The following PCDH11Y variants were observed in gnomAD, a reference collection of about 807,000 sequenced individuals.
PCDH11Y encodes protocadherin-11 Y-linked.
For missense variants in PCDH11Y, 12 were observed against 224.8 expected, an observed-to-expected ratio of 0.05 and a Z score of 6.05; for synonymous variants, 9 against 83.6, an observed-to-expected ratio of 0.11 and a Z score of 4.87.
At chrY:5,382,999 C>T in intron 2 of PCDH11Y, among the ~76,000 whole-genome samples, 4 of 32,262 alleles carry the variant, frequency 1.2e-4, no homozygotes, top group Non-Finnish European at 3.0e-4. Context: ...TTCAGGAGTT[C>T]GAGACCAGCC....
intron 2 of PCDH11Y, among the ~76,000 whole-genome samples, chrY:5,373,375 G>A: frequency 2.7e-4 from 7 of 26,267 alleles, no homozygotes; most frequent in Non-Finnish European, 4.2e-4. Context: ...TAGTAGAGAC[G>A]GAGTTTCACC....
chrY:5,124,085 G>T, intron 2 of PCDH11Y, among the ~76,000 whole-genome samples: 1 of 32,856 alleles, frequency 3.0e-5, no homozygotes, highest in Non-Finnish European at 7.5e-5. Flanking sequence ...GGAGAGAAAG[G>T]AAAAGTCCCA....
At chrY:5,303,288 A>T in intron 2 of PCDH11Y, among the ~76,000 whole-genome samples, 1 of 32,257 alleles carries the variant, frequency 3.1e-5, no homozygotes. Flanking sequence ...ACTTGCCAGG[A>T]ATAGCATGAG....
chrY:5,261,392 T>C, intron 2 of PCDH11Y, among the ~76,000 whole-genome samples: 1 of 32,973 alleles, frequency 3.0e-5, no homozygotes, highest in African/African-American at 1.2e-4. Flanking sequence ...TTGCCCAAGA[T>C]TCTGATAGTG....
intron 4 of PCDH11Y, among the ~76,000 whole-genome samples, chrY:5,591,371 G>A: frequency 3.1e-5 from 1 of 32,462 alleles, no homozygotes; most frequent in Admixed American, 2.8e-4. Context: ...GGAACTGCGA[G>A]TCAATTAAAC....
At chrY:5,383,261 C>T in intron 2 of PCDH11Y, among the ~76,000 whole-genome samples, 1 of 32,207 alleles carries the variant, frequency 3.1e-5, no homozygotes, top group Non-Finnish European at 7.5e-5. Flanking sequence ...TTTTAAAATG[C>T]TAAATACTTG....
intron 2 of PCDH11Y, among the ~76,000 whole-genome samples, chrY:5,345,689 A>G (rs2053151342): frequency 4.6e-4 from 13 of 28,043 alleles, no homozygotes; most frequent in African/African-American, 1.9e-3. Context: ...TTTGAGACAG[A>G]GTCTTGCTCT....
chrY:5,363,133 A>AATAT (rs2053176110), intron 2 of PCDH11Y, among the ~76,000 whole-genome samples: 1 of 32,595 alleles, frequency 3.1e-5, no homozygotes, highest in Non-Finnish European at 7.5e-5. Context: ...AGTATGCATT[A>AATAT]ATATGTGCAT....
At chrY:5,224,557 C>A in intron 2 of PCDH11Y, among the ~76,000 whole-genome samples, 2 of 32,076 alleles carry the variant, frequency 6.2e-5, no homozygotes, top group African/African-American at 2.5e-4. Context: ...AATGGTGTTT[C>A]ACTATGTATG....
At chrY:5,175,250 AAC>A (rs2052892042) in intron 2 of PCDH11Y, among the ~76,000 whole-genome samples, 1 of 27,943 alleles carries the variant, frequency 3.6e-5, no homozygotes, top group African/African-American at 1.4e-4. Context: ...ATTGCAGTCC[AAC>A]AATCACATAA....
At chrY:5,552,313 A>G in intron 3 of PCDH11Y, among the ~76,000 whole-genome samples, 1 of 32,390 alleles carries the variant, frequency 3.1e-5, no homozygotes, top group Non-Finnish European at 7.6e-5. Context: ...AACTGAGTTT[A>G]TGAACTGTCA....
intron 1 of PCDH11Y, among the ~76,000 whole-genome samples, chrY:5,013,778 T>G (rs2052556626): frequency 3.0e-5 from 1 of 33,171 alleles, no homozygotes; most frequent in Non-Finnish European, 7.4e-5. Context: ...CATTACACTT[T>G]TTATATTTTT....
At chrY:5,346,290 C>T (rs2053152465) in intron 2 of PCDH11Y, among the ~76,000 whole-genome samples, 2 of 31,851 alleles carry the variant, frequency 6.3e-5, no homozygotes, top group South Asian at 7.0e-4. Flanking sequence ...AGTACAGTGG[C>T]GCAATCTCGG....
At chrY:5,061,831 G>T (rs1602854279) in intron 1 of PCDH11Y, among the ~76,000 whole-genome samples, 1 of 33,083 alleles carries the variant, frequency 3.0e-5, no homozygotes, top group African/African-American at 1.2e-4. Context: ...CATCCCATAA[G>T]GCATCCTCAT....
chrY:5,127,725 C>T, intron 2 of PCDH11Y, among the ~76,000 whole-genome samples: 2 of 32,635 alleles, frequency 6.1e-5, no homozygotes, highest in African/African-American at 2.4e-4. Context: ...AAAGTAATGC[C>T]TAATTAATAA....
intron 1 of PCDH11Y, among the ~76,000 whole-genome samples, chrY:5,015,766 GT>G (rs2052560399): frequency 6.9e-5 from 2 of 29,115 alleles, no homozygotes; most frequent in African/African-American, 1.3e-4. Context: ...GTTTGGCTCT[GT>G]GTCCCCACCC....
At chrY:5,505,259 A>G in intron 3 of PCDH11Y, among the ~76,000 whole-genome samples, 1 of 33,261 alleles carries the variant, frequency 3.0e-5, no homozygotes, top group Non-Finnish European at 7.6e-5. Flanking sequence ...GTACAATTGC[A>G]GAGAAAAATC....
At chrY:5,738,700 G>A in exon 5 of PCDH11Y, 3 of 32,235 alleles carry the variant, frequency 9.3e-5, no homozygotes, top group African/African-American at 2.4e-4. Context: ...TGTTAAAAAG[G>A]GCCCCTTTTT....
intron 2 of PCDH11Y, among the ~76,000 whole-genome samples, chrY:5,303,804 T>C (rs2124663543): frequency 1.8e-4 from 6 of 33,369 alleles, no homozygotes; most frequent in African/African-American, 7.0e-4. Context: ...ATTTTCACTA[T>C]TTGAGGATTC....
Sources: gnomAD v4.1 joint callset for allele counts (sites outside exome capture counted in the v4.1 genomes callset) on GRCh38, gnomAD v4.1.1 for gene constraint, MANE v1.5 for transcripts, NCBI Gene and HGNC (gene_info 2026-07-23, HGNC 2026-07-21) for gene names.